The following G3BP1 variants were observed in gnomAD, a reference collection of about 807,000 sequenced individuals.
G3BP1 encodes the protein ras GTPase-activating protein-binding protein 1.
In G3BP1, 35 loss-of-function variants were observed where a neutral mutation model predicts 58.6. That is an observed-to-expected ratio of 0.60 (90% confidence interval 0.46 to 0.79). The LOEUF (loss-of-function observed/expected upper bound fraction) is 0.79, where lower values mean the gene tolerates loss of function less well. Ranked by LOEUF, G3BP1 falls within the 30% of genes least tolerant of loss-of-function variation. G3BP1 has a pLI of 0.00. For synonymous variants in G3BP1, 191 were observed against 195.4 expected, an observed-to-expected ratio of 0.98 and a Z score of 0.19; for missense variants, 523 against 580.8, an observed-to-expected ratio of 0.90 and a Z score of 1.02.
At chr5:151,777,454 G>C (rs1331461949) in intron 1 of G3BP1, among the ~76,000 whole-genome samples, 1 of 151,956 alleles carries the variant, frequency 6.6e-6, no homozygotes, top group African/African-American at 2.4e-5. Context: ...TTCTATACGG[G>C]CTTCCATTCC....
chr5:151,785,792 C>A (rs1300263398), intron 1 of G3BP1, among the ~76,000 whole-genome samples: 4 of 152,064 alleles, frequency 2.6e-5, no homozygotes, highest in African/African-American at 9.7e-5. Context: ...AAGTAGTAAG[C>A]ATATTTAGAA....
chr5:151,801,587 T>A (rs1419555179), intron 11 of G3BP1, among the ~76,000 whole-genome samples: 1 of 152,198 alleles, frequency 6.6e-6, no homozygotes, highest in Admixed American at 6.5e-5. Flanking sequence ...TAGAACACAT[T>A]ATTGTGCAAC....
intron 8 of G3BP1, 48 bp from the exon 9 acceptor site, chr5:151,799,841 G>GA: frequency 9.4e-7 from 1 of 1,068,882 alleles, no homozygotes; most frequent in Non-Finnish European, 1.4e-6. Flanking sequence ...TAAGAAAAAG[G>GA]ATAAGCCTGC....
In G3BP1 at chr5:151,795,546, T is replaced by A; in HGVS notation, c.510T>A (p.Ser170=). 6.2e-7 allele frequency: 1 copy of A among 1,604,472 alleles called. No individual in the cohort carries two copies. The highest frequency in any genetic ancestry group is 1.1e-5 in the South Asian group (1 of 90,726). The change falls in exon 6 of 12, where the codon TCT becomes TCA. Residue 170 remains serine, a synonymous_variant. Transcript: ENST00000356245. The part of the protein sequence containing the change: ...QQTPEVVPDD[S]GTFYDQAVVS... ...CACCTGAGGTGGTACCTGATGATTC[T>A]GGAACTTTCTATGATCAGGCAGTTG...
rs1229924619 is a variant in G3BP1 at position 151,797,286 on chromosome 5, C to A, written c.599C>A (p.Pro200Gln). Residue 200 changes from proline (P) to glutamine (Q), a missense_variant, in exon 7 of 12, where the codon CCA becomes CAA. Transcript: ENST00000356245. The part of the protein sequence containing the change: ...PVAEPEPDPE[P>Q]EPEQEPVSEI... The stretch of plus-strand genomic sequence containing the variant: ...GCTGAACCAGAGCCTGATCCTGAAC[C>A]AGAACCAGAACAAGAACCTGTATCT... 9.9e-6 allele frequency: 16 copies of A among 1,612,540 alleles called. No homozygotes were observed. The highest frequency in any genetic ancestry group is 1.4e-5 in the Non-Finnish European group (16 of 1,178,708).
chr5:151,780,561 A>T (rs2964573), intron 1 of G3BP1, among the ~76,000 whole-genome samples: 30,907 of 152,064 alleles, frequency 0.2, 3,769 homozygotes, highest in South Asian at 0.32. Context: ...CCTAGGCTGG[A>T]GTGCGGTGGT....
rs1363713208 is a variant in G3BP1 at position 151,810,572 on chromosome 5, A to G, written c.*6481A>G. On this transcript the variant is annotated 3_prime_UTR_variant, in exon 12 of 12. Coordinates refer to ENST00000356245, the MANE Select transcript of G3BP1 (RefSeq NM_005754.3). ...TTCATAACTTACCCCTTCAGTCTAG[A>G]ATTAGAATTACATTATCTGTTTTAC... The G allele has an allele frequency of 1.3e-5, 2 of 152,170 alleles. No individual in the cohort carries two copies. Among genetic ancestry groups the G allele is most frequent in the African/African-American group, 2.4e-5 (1 of 41,430 alleles). The allele number at this position is 152,170 out of a possible 1,614,324, so 9.4% of individuals were successfully genotyped here. A position where few individuals can be genotyped will look rare whatever the true frequency, so the allele number is the denominator to read the frequency against.
intron 2 of G3BP1, chr5:151,787,344 C>G (rs1484985878): frequency 6.6e-6 from 1 of 152,160 alleles, no homozygotes; most frequent in African/African-American, 2.4e-5. Context: ...TCCTGTAATA[C>G]CATACTTTTG....
chr5:151,797,475 T>G, intron 7 of G3BP1, 47 bp downstream of exon 7: 1 of 1,540,176 alleles, frequency 6.5e-7, no homozygotes, highest in Non-Finnish European at 8.8e-7. Flanking sequence ...TTATTTTTTT[T>G]AAAAAAAGTT....
At chr5:151,790,676 A>C (rs1762635774) in intron 3 of G3BP1, among the ~76,000 whole-genome samples, 1 of 152,158 alleles carries the variant, frequency 6.6e-6, no homozygotes, top group Non-Finnish European at 1.5e-5. Flanking sequence ...AAACTTTGAA[A>C]AGTGTGTTAA....
chr5:151,793,362 G>A (rs1762694223), intron 4 of G3BP1, among the ~76,000 whole-genome samples: 3 of 152,158 alleles, frequency 2.0e-5, no homozygotes, highest in Admixed American at 1.3e-4. Context: ...GCCTGCCTCG[G>A]CCTCCCAAAG....
intron 1 of G3BP1, among the ~76,000 whole-genome samples, chr5:151,785,517 G>GT (rs1762541754): frequency 6.6e-6 from 1 of 152,094 alleles, no homozygotes; most frequent in South Asian, 2.1e-4. Context: ...TTGCCTGTAT[G>GT]TTTAAGTTTG....
At position 151,809,435 on chromosome 5, in the gene G3BP1, AGGATAG is replaced by A. The variant is rs1762982622; in HGVS notation, c.*5347_*5352del. On this transcript the variant is annotated 3_prime_UTR_variant, in exon 12 of 12. Coordinates refer to ENST00000356245, the MANE Select transcript of G3BP1 (RefSeq NM_005754.3). ...TTAAAAAATTCATGGATTTTGAAGA[AGGATAG>A]GGTGGAAGTAAAATTTAGCTGATAG... 6.6e-6 allele frequency: 1 copy of A among 152,204 alleles called. No homozygotes were observed. Among genetic ancestry groups the A allele is most frequent in the South Asian group, 2.1e-4 (1 of 4,838 alleles). 9.4% of individuals were successfully genotyped at this position (152,204 alleles called of 1,614,324 possible).
intron 4 of G3BP1, among the ~76,000 whole-genome samples, chr5:151,792,878 G>C (rs1762683910): frequency 6.6e-6 from 1 of 152,144 alleles, no homozygotes. Flanking sequence ...GCTCTCCAAA[G>C]TGTTGGGATT....
chr5:151,789,872 A>G (rs554577403), intron 2 of G3BP1, among the ~76,000 whole-genome samples: 2 of 152,282 alleles, frequency 1.3e-5, no homozygotes, highest in East Asian at 3.9e-4. Flanking sequence ...ACAAAGATGA[A>G]AAAGAAAACG....
At chr5:151,785,210 A>G (rs187198901) in intron 1 of G3BP1, among the ~76,000 whole-genome samples, 5 of 152,350 alleles carry the variant, frequency 3.3e-5, no homozygotes, top group East Asian at 1.9e-4. Context: ...GATATGCTCA[A>G]TACACATGCC....
rs1050500589 is a variant in G3BP1 at position 151,810,591 on chromosome 5, G to A, written c.*6500G>A. On this transcript the variant is annotated 3_prime_UTR_variant, in exon 12 of 12. Coordinates refer to ENST00000356245, the MANE Select transcript of G3BP1 (RefSeq NM_005754.3). ...GTCTAGAATTAGAATTACATTATCT[G>A]TTTTACTACTTTACTAGACTGTAAG... 6.6e-6 allele frequency: 1 copy of A among 152,132 alleles called. No individual in the cohort carries two copies. The highest frequency in any genetic ancestry group is 1.5e-5 in the Non-Finnish European group (1 of 68,028). 9.4% of individuals were successfully genotyped at this position (152,132 alleles called of 1,614,324 possible).
chr5:151,784,122 G>T (rs910739006), intron 1 of G3BP1, among the ~76,000 whole-genome samples: 8 of 152,002 alleles, frequency 5.3e-5, no homozygotes, highest in Non-Finnish European at 1.2e-4. Context: ...TTGAGATGGG[G>T]TCTTGCTCTG....
intron 11 of G3BP1, among the ~76,000 whole-genome samples, 192 bp downstream of exon 11, chr5:151,801,061 A>T (rs1308933865): frequency 6.6e-6 from 1 of 152,148 alleles, no homozygotes. Context: ...CTTATGTTTA[A>T]GTAACTTAGT....
Sources: gnomAD v4.1 joint callset for allele counts (sites outside exome capture counted in the v4.1 genomes callset) on GRCh38, gnomAD v4.1.1 for gene constraint, MANE v1.5 for transcripts, NCBI Gene and HGNC (gene_info 2026-07-23, HGNC 2026-07-21) for gene names.